AFAP1L2: variants seen among roughly 807,000 people sequenced by gnomAD.
AFAP1L2 encodes the protein actin filament-associated protein 1-like 2.
AFAP1L2 carries 46 observed loss-of-function variants against 99.3 expected under a neutral mutation model. That is an observed-to-expected ratio of 0.46 (90% CI 0.37 to 0.59). The LOEUF (loss-of-function observed/expected upper bound fraction) is 0.59. AFAP1L2 is among the 20% of genes least tolerant of loss of function. The pLI is 0.00. For synonymous variants in AFAP1L2, 397 were observed against 419.1 expected, an observed-to-expected ratio of 0.95 and a Z score of 0.64; for missense variants, 959 against 1,034.9, an observed-to-expected ratio of 0.93 and a Z score of 1.01.
chr10:114,370,818 G>A (rs183535516), intron 1 of AFAP1L2, among the ~76,000 whole-genome samples: 21 of 152,234 alleles, frequency 1.4e-4, no homozygotes, highest in African/African-American at 4.8e-4. Flanking sequence ...TGGGTTCATC[G>A]AAAGCACCTT....
intron 1 of AFAP1L2, among the ~76,000 whole-genome samples, chr10:114,379,056 C>CAA (rs11404390): frequency 6.6e-6 from 1 of 151,544 alleles, no homozygotes; most frequent in African/African-American, 2.4e-5. Flanking sequence ...ACTAAAAATA[C>CAA]AAAAAAATTA....
At chr10:114,302,244 C>T in intron 12 of AFAP1L2, 95 bp downstream of exon 12, 2 of 1,537,070 alleles carry the variant, frequency 1.3e-6, no homozygotes, top group South Asian at 2.3e-5. Flanking sequence ...GGGTGGGACC[C>T]TGTGCTCCCT....
chr10:114,297,003 T>C lies in AFAP1L2; in HGVS notation c.2405A>G (p.Lys802Arg), dbSNP rs745535381. The C allele has an allele frequency of 6.2e-7, 1 of 1,613,992 alleles. No homozygotes were observed. Among genetic ancestry groups the C allele is most frequent in the East Asian group, 2.2e-5 (1 of 44,880 alleles). The change falls in exon 18 of 19, where the codon AAA becomes AGA. Residue 802 changes from lysine to arginine, a missense_variant. Lys to Arg is a conservative substitution (Grantham distance 26). Around this residue, in one of 2 missense-constraint regions of AFAP1L2, gnomAD observed 576 missense variants for 562.1 expected, o/e 1.02. Coordinates refer to ENST00000304129, the MANE Select transcript of AFAP1L2 (RefSeq NM_001001936.3). ...CTTGGCTTTCTGGAGTACAGTGCCT[T>C]TGCCTGTGACCACGACCGAGAGAGG... is the stretch of plus-strand genomic sequence containing the variant. The part of the protein sequence containing the change: ...NRPLSVVVTG[K>R]GTVLQKAKEW...
chr10:114,332,260 T>TACCCAGAAGGCAAGTGAC (rs2047351488), intron 3 of AFAP1L2, among the ~76,000 whole-genome samples: 1 of 152,220 alleles, frequency 6.6e-6, no homozygotes, highest in Admixed American at 6.5e-5. Flanking sequence ...TCCCACAGTT[T>TACCCAGAAGGCAAGTGAC]ACCCAGAAGG....
rs766929781 is a variant in AFAP1L2 at position 114,352,479 on chromosome 10, T to TAAAA, written c.17-11752_17-11749dup. Among the ~76,000 whole-genome samples the TAAAA allele has an allele frequency of 1.8e-3, 125 of 71,386 alleles. 12 individuals carry two copies. Among genetic ancestry groups the TAAAA allele is most frequent in the African/African-American group, 5.5e-3 (101 of 18,224 alleles). The allele number at this position is 71,386 out of a possible 152,430, so 46.8% of individuals were successfully genotyped here. On this transcript the variant is annotated intron_variant, in intron 1 of 18. Coordinates refer to ENST00000304129, the MANE Select transcript of AFAP1L2 (RefSeq NM_001001936.3). Reference sequence around the variant, plus strand: ...ACAGAGCAAGACTCTGTCTCCAAATTAAAAAAAAAAAAAAAAAAAAGCAAC... The same window carrying TAAAA: ...ACAGAGCAAGACTCTGTCTCCAAATTAAAAAAAAAAAAAAAAAAAAAAAAGCAAC...
In AFAP1L2 at chr10:114,332,487, G is replaced by T. The variant is rs189896427; in HGVS notation, c.221-590C>A. 4.1e-3 allele frequency among the ~76,000 whole-genome samples: 626 copies of T among 152,340 alleles called. 2 individuals carry two copies. Among genetic ancestry groups the T allele is most frequent in the African/African-American group, 0.014 (597 of 41,582 alleles). The stretch of plus-strand genomic sequence containing the variant: ...CAGGCAGGCCCGATATCGGGGATTT[G>T]GTGGCTGATGTCTCAAAGACAAGCC... On this transcript the variant is annotated intron_variant, in intron 3 of 18. Transcript: ENST00000304129.
intron 5 of AFAP1L2, 40 bp from the exon 6 acceptor site, chr10:114,315,805 G>T (rs1338955794): frequency 1.9e-6 from 3 of 1,574,538 alleles, no homozygotes; most frequent in Admixed American, 3.6e-5. Flanking sequence ...CCATGGGGCA[G>T]GGGACAGTCC....
At chr10:114,350,283 G>A (rs755125126) in intron 1 of AFAP1L2, among the ~76,000 whole-genome samples, 5 of 152,122 alleles carry the variant, frequency 3.3e-5, no homozygotes, top group African/African-American at 1.2e-4. Context: ...CTGTCCATCC[G>A]GCCCAATAGC....
intron 2 of AFAP1L2, 21 bp downstream of exon 2, chr10:114,340,582 C>T (rs780515592): frequency 6.2e-7 from 1 of 1,610,350 alleles, no homozygotes; most frequent in Admixed American, 1.7e-5. Flanking sequence ...GGCCTCTGCA[C>T]CACCCAGGGC....
At chr10:114,285,991 C>T in the AFAP1L2 span, 6 of 1,613,390 alleles carry the variant, frequency 3.7e-6, no homozygotes, top group African/African-American at 8.0e-5. Flanking sequence ...TGCTGGACAG[C>T]TCTGCGGGCA....
At chr10:114,328,256 T>C (rs1324968650) in intron 4 of AFAP1L2, among the ~76,000 whole-genome samples, 1 of 152,114 alleles carries the variant, frequency 6.6e-6, no homozygotes, top group Non-Finnish European at 1.5e-5. Flanking sequence ...AGTGAGGACA[T>C]CTGGGCTCGT....
chr10:114,285,974 C>G, the AFAP1L2 span: 5 of 1,610,140 alleles, frequency 3.1e-6, no homozygotes, highest in South Asian at 1.1e-5. Flanking sequence ...GGTCGACCTC[C>G]TCTTCCTGCT....
At chr10:114,398,972 AT>A in intron 1 of AFAP1L2, 1 of 1,240,014 alleles carries the variant, frequency 8.1e-7, no homozygotes, top group South Asian at 1.3e-5. Flanking sequence ...TTTCATCTCC[AT>A]TTCTGGAATC....
rs545542798 is a variant in AFAP1L2, at chr10:114,378,999, G to A, written c.16+25441C>T. ...GGCCGAGGCGGGCAGATCGCCTGAG[G>A]TCAGGAGTTCAAACCAACTTGGCCA... On this transcript the variant is annotated intron_variant, in intron 1 of 18. Transcript: ENST00000304129. Among the ~76,000 whole-genome samples, 10 of 152,256 alleles carry A rather than the reference G, an allele frequency of 6.6e-5. No homozygotes were observed. In the South Asian group the frequency reaches 1.7e-3, roughly 25 times the overall value.
chr10:114,302,363 A>G lies in AFAP1L2; in HGVS notation c.1406T>C (p.Val469Ala). 1 of 1,614,162 alleles carries G rather than the reference A, an allele frequency of 6.2e-7. No homozygotes were observed. ...YVDADRVSCI[V>A]SAAKNSLLLM... The stretch of plus-strand genomic sequence containing the variant: ...CAAGAGAGAGTTTTTGGCCGCACTC[A>G]CAATACAGGAGACCCTATCGGCATC... Residue 469 changes from valine (V) to alanine (A), a missense_variant, in exon 12 of 19, where the codon GTG (valine) becomes GCG (alanine). Physicochemically the swap from Val to Ala is moderately conservative, Grantham distance 64. Around this residue, in one of 2 missense-constraint regions of AFAP1L2, gnomAD observed 576 missense variants for 562.1 expected, o/e 1.02. Transcript: ENST00000304129.
chr10:114,308,040 A>G, intron 9 of AFAP1L2, 131 bp from the exon 10 acceptor site: 2 of 728,808 alleles, frequency 2.7e-6, no homozygotes, highest in Non-Finnish European at 4.8e-6. Flanking sequence ...GCGCGCACAT[A>G]TGCACGCATA....
In AFAP1L2 at chr10:114,297,310, C is replaced by G. The variant is rs1485794696; in HGVS notation, c.2217G>C (p.Glu739Asp). 6.2e-7 allele frequency: 1 copy of G among 1,614,066 alleles called. No homozygotes were observed. Among genetic ancestry groups the G allele is most frequent in the Non-Finnish European group, 8.5e-7 (1 of 1,180,034 alleles). The change falls in exon 17 of 19, where the codon GAG becomes GAC. Residue 739 changes from glutamate to aspartate, a missense_variant. By Grantham distance (45) the Glu-to-Asp change is conservative. This residue lies in a region of AFAP1L2 where 576 missense variants were observed against 562.1 expected (regional missense o/e 1.02). Transcript: ENST00000304129. ...RRVDLELSIM[E>D]VKDNLKKAEA... ...CAGCCTTCTTCAGGTTGTCCTTCACCTCCATGATGCTGAGCTCCAGGTCCA... is the reference window on the plus strand; with the variant it reads ...CAGCCTTCTTCAGGTTGTCCTTCACGTCCATGATGCTGAGCTCCAGGTCCA...
At chr10:114,323,951 T>C (rs1025322575) in intron 4 of AFAP1L2, among the ~76,000 whole-genome samples, 4 of 152,162 alleles carry the variant, frequency 2.6e-5, no homozygotes, top group Admixed American at 6.5e-5. Flanking sequence ...ATGCCCAGGG[T>C]ATGTGATCTT....
chr10:114,316,245 C>T (rs1354810797), intron 5 of AFAP1L2, among the ~76,000 whole-genome samples: 1 of 152,236 alleles, frequency 6.6e-6, no homozygotes, highest in Non-Finnish European at 1.5e-5. Flanking sequence ...CGTGCTCCAC[C>T]TGAGCTGTAT....
Sources: gnomAD v4.1 joint callset for allele counts (sites outside exome capture counted in the v4.1 genomes callset) on GRCh38, gnomAD v4.1.1 for gene constraint, gnomAD v4.1.1 regional missense constraint, MANE v1.5 for transcripts, NCBI Gene and HGNC (gene_info 2026-07-23, HGNC 2026-07-21) for gene names.